ARMC6: variants seen among roughly 807,000 people sequenced by gnomAD.
The protein encoded by ARMC6 is armadillo repeat containing 6.
A neutral mutation model predicts 49.2 loss-of-function variants in ARMC6; 43 were observed. That is an observed-to-expected ratio of 0.87 (90% CI 0.69 to 1.13). The LOEUF (loss-of-function observed/expected upper bound fraction) is 1.13, where lower values mean the gene tolerates loss of function less well. Among genes scored for constraint, ARMC6 ranks in the 50% most tolerant of loss-of-function variants. The probability of loss-of-function intolerance (pLI) is 0.00; values close to 1 mark genes in which losing one functional copy is unlikely to be tolerated. For synonymous variants in ARMC6, 262 were observed against 289.6 expected, an observed-to-expected ratio of 0.90 and a Z score of 0.97; for missense variants, 627 against 682.0, an observed-to-expected ratio of 0.92 and a Z score of 0.90.
intron 4 of ARMC6, among the ~76,000 whole-genome samples, chr19:19,048,403 A>G (rs1443862116): frequency 6.6e-6 from 1 of 152,048 alleles, no homozygotes; most frequent in Non-Finnish European, 1.5e-5. Context: ...GGTGCTTATA[A>G]TCCCAGCTAC....
rs1224908061 is a variant in ARMC6, at chr19:19,054,295, C to T, written c.997C>T (p.Gln333Ter). Residue 333 changes from glutamine (Q) to a stop codon, truncating the protein, a stop_gained, in exon 6 of 9, where the codon CAG (glutamine) becomes TAG (stop). Transcript: ENST00000535612. LOFTEE classifies it high-confidence loss of function. ...CCTGCTAGCCGACTGCAATGACCAC[C>T]AGATGAGGGACCAGAGCGGCGTTCA... ...VSLLADCNDH[Q>*]MRDQSGVQEL... 1 of 1,599,762 alleles carries T rather than the reference C, an allele frequency of 6.3e-7. No homozygotes were observed.
chr19:19,046,955 CTTTTTT>C (rs1405584876), intron 4 of ARMC6, among the ~76,000 whole-genome samples: 1 of 71,086 alleles, frequency 1.4e-5, no homozygotes, highest in African/African-American at 4.9e-5. Context: ...TTTTCTATTT[CTTTTTT>C]TTTTTTTTTT....
intron 2 of ARMC6, among the ~76,000 whole-genome samples, chr19:19,042,236 A>G (rs1272095301): frequency 6.6e-6 from 1 of 152,210 alleles, no homozygotes; most frequent in Non-Finnish European, 1.5e-5. Flanking sequence ...TAATAAGATA[A>G]TCATTATTAT....
Position 19,042,769 on chromosome 19 carries a change from C to T in ARMC6, c.88C>T (p.Arg30Cys), listed in dbSNP as rs963954868. Residue 30 changes from arginine to cysteine, a missense_variant, in exon 3 of 9, where the codon CGC (arginine) becomes TGC (cysteine). Coordinates refer to ENST00000535612, the MANE Select transcript of ARMC6 (RefSeq NM_001199196.2). ...AACACAGGCGAAGATGGTCTCCAAG[C>T]GCATTGCCCAGGAGACCTTTGATGC... ...TSTQAKMVSKRIAQETFDAAV... is the reference protein window; with the variant it reads ...TSTQAKMVSKCIAQETFDAAV... The T allele has an allele frequency of 4.3e-6, 7 of 1,613,822 alleles. No homozygotes were observed. In the African/African-American group the frequency reaches 6.7e-5, roughly 15 times the overall value.
At chr19:19,034,669 A>C (rs1599623906) in intron 2 of ARMC6, among the ~76,000 whole-genome samples, 1 of 151,782 alleles carries the variant, frequency 6.6e-6, no homozygotes, top group African/African-American at 2.4e-5. Flanking sequence ...ACTCACTGCA[A>C]CCTCCACCTC....
rs527679835 is a variant in ARMC6, at chr19:19,051,036, A to G, written c.280-586A>G. Among the ~76,000 whole-genome samples, 5 of 152,362 alleles carry G rather than the reference A, an allele frequency of 3.3e-5. No individual in the cohort carries two copies. The East Asian group carries it at 9.6e-4, about 29-fold the overall frequency. On this transcript the variant is annotated intron_variant, in intron 4 of 8. Transcript: ENST00000535612. ...TCTGCTCTCTGTACAGTGTAACCACATTTGGCAGGTGCTCAATAAATGTTT... is the reference window on the plus strand; with the variant it reads ...TCTGCTCTCTGTACAGTGTAACCACGTTTGGCAGGTGCTCAATAAATGTTT...
chr19:19,048,561 G>GATA (rs1181932767), intron 4 of ARMC6, among the ~76,000 whole-genome samples: 8 of 151,720 alleles, frequency 5.3e-5, no homozygotes, highest in Admixed American at 2.0e-4. Context: ...GTTATCTAAA[G>GATA]ACCTAGAATC....
rs535753915 is a variant in ARMC6, at chr19:19,033,631, T to C, written c.-379T>C. On this transcript the variant is annotated 5_prime_UTR_variant, in exon 1 of 9. Transcript: ENST00000535612. ...GCCCGGCTCTCTTGCGCAAGCGCGC[T>C]GTCCGCTTCTTCTGGGCGGACGCTC... 8.9e-6 allele frequency: 10 copies of C among 1,122,070 alleles called. 1 individual carries two copies. The South Asian group carries it at 2.7e-4, about 30-fold the overall frequency. The allele number at this position is 1,122,070 out of a possible 1,614,324, so 69.5% of individuals were successfully genotyped here.
intron 4 of ARMC6, among the ~76,000 whole-genome samples, chr19:19,049,043 A>G (rs1221836862): frequency 2.0e-5 from 3 of 150,188 alleles, no homozygotes; most frequent in African/African-American, 7.3e-5. Context: ...GGTCCTTAGT[A>G]TGGATGAGGA....
chr19:19,054,525 A>G (rs1433759241), intron 6 of ARMC6, among the ~76,000 whole-genome samples: 1 of 152,152 alleles, frequency 6.6e-6, no homozygotes, highest in Non-Finnish European at 1.5e-5. Context: ...GCACCAGGAA[A>G]AGGATGGTAG....
At chr19:19,046,743 C>T (rs1313846060) in intron 4 of ARMC6, among the ~76,000 whole-genome samples, 1 of 152,086 alleles carries the variant, frequency 6.6e-6, no homozygotes, top group Non-Finnish European at 1.5e-5. Flanking sequence ...GATCTGCCTG[C>T]CTCGGCCTCC....
chr19:19,043,071 C>T (rs1376882902), intron 3 of ARMC6, among the ~76,000 whole-genome samples, 194 bp downstream of exon 3: 4 of 152,218 alleles, frequency 2.6e-5, no homozygotes, highest in African/African-American at 9.6e-5. Context: ...GCTTCCACCT[C>T]GCCCAGATAT....
intron 4 of ARMC6, among the ~76,000 whole-genome samples, chr19:19,050,827 G>A (rs551861260): frequency 8.5e-5 from 13 of 152,270 alleles, no homozygotes; most frequent in African/African-American, 3.1e-4. Flanking sequence ...TTGGGCTGGT[G>A]GTTTCTGTAG....
chr19:19,051,807 G>T lies in ARMC6; in HGVS notation c.465G>T (p.Leu155=), dbSNP rs377488248. 1.2e-6 allele frequency: 2 copies of T among 1,614,124 alleles called. No individual in the cohort carries two copies. Among genetic ancestry groups the T allele is most frequent in the African/African-American group, 1.3e-5 (1 of 75,078 alleles). The change falls in exon 5 of 9, where the codon CTG becomes CTT. Residue 155 remains leucine (L), a synonymous_variant. Transcript: ENST00000535612. ...CCACTGCAGGTGACCAGGGCCTTCT[G>T]CTCCAGTCCCTCAATGCCCTGTCGG... ...KLATAGDQGL[L]LQSLNALSVL...
At chr19:19,046,354 G>A (rs1193510896) in intron 4 of ARMC6, among the ~76,000 whole-genome samples, 1 of 151,768 alleles carries the variant, frequency 6.6e-6, no homozygotes, top group African/African-American at 2.4e-5. Context: ...CTGCCATGAC[G>A]CCCGGCTAAT....
intron 2 of ARMC6, 69 bp downstream of exon 2, chr19:19,034,307 T>C (rs777984725): frequency 6.5e-6 from 10 of 1,548,062 alleles, no homozygotes; most frequent in Non-Finnish European, 8.7e-6. Context: ...CTAGAAGTGG[T>C]TTTGAAGGCT....
chr19:19,051,855 C>A lies in ARMC6; in HGVS notation c.513C>A (p.Asp171Glu). 6.2e-7 allele frequency: 1 copy of A among 1,614,128 alleles called. No individual in the cohort carries two copies. The highest frequency in any genetic ancestry group is 8.5e-7 in the Non-Finnish European group (1 of 1,180,024). ...CGGTGCTGACTGATGGACAGCCAGA[C>A]CTCCTGGATGCCCAGGGCCTGCAGC... ...ALSVLTDGQPDLLDAQGLQLL... is the reference protein window; with the variant it reads ...ALSVLTDGQPELLDAQGLQLL... The change falls in exon 5 of 9, where the codon GAC (aspartate) becomes GAA (glutamate). Residue 171 changes from aspartate to glutamate, a missense_variant. Physicochemically the swap from Asp to Glu is conservative, Grantham distance 45 (BLOSUM62 2). Transcript: ENST00000535612.
chr19:19,037,717 T>C (rs1253710111), intron 2 of ARMC6: 36 of 1,130,770 alleles, frequency 3.2e-5, no homozygotes, highest in Non-Finnish European at 4.0e-5. Context: ...GGTGGATATA[T>C]TGAAACAATT....
chr19:19,044,970 G>T (rs1431440598), intron 4 of ARMC6, among the ~76,000 whole-genome samples: 3 of 152,086 alleles, frequency 2.0e-5, no homozygotes, highest in Non-Finnish European at 4.4e-5. Context: ...TTTGCTTTTT[G>T]CCTTTCTTGC....
Sources: gnomAD v4.1 joint callset for allele counts (sites outside exome capture counted in the v4.1 genomes callset) on GRCh38, gnomAD v4.1.1 for gene constraint, MANE v1.5 for transcripts, NCBI Gene and HGNC (gene_info 2026-07-23, HGNC 2026-07-21) for gene names.